The following NCAM2 variants were observed in gnomAD, a reference collection of about 807,000 sequenced individuals.
NCAM2 encodes neural cell adhesion molecule 2, also known as N-CAM-2.
In NCAM2, 30 loss-of-function variants were observed where a neutral mutation model predicts 98.1. The ratio of observed to expected loss-of-function variants is 0.31; its 90% CI spans 0.23 to 0.41. The LOEUF (loss-of-function observed/expected upper bound fraction) is 0.41, where lower values mean the gene tolerates loss of function less well. Among genes scored for constraint, NCAM2 ranks in the 10% least tolerant of loss-of-function variants. NCAM2 has a pLI of 1.00. For synonymous variants in NCAM2, 368 were observed against 342.4 expected (o/e 1.07, Z -0.83); for missense variants, 867 against 1,005.8 (o/e 0.86, Z 1.87).
At position 21,490,116 on chromosome 21, in the gene NCAM2, A is replaced by G. The variant is rs532847666; in HGVS notation, c.2077+12645A>G. Among the ~76,000 whole-genome samples the G allele has an allele frequency of 2.0e-5, 3 of 152,190 alleles. No homozygotes were observed. In the East Asian group the frequency reaches 5.8e-4, roughly 29 times the overall value. Reference sequence around the variant, plus strand: ...CAAAGATCTCTTGTAATAATTCAACATATTCCCTGGCTATTAACTAATTTC... The same window carrying G: ...CAAAGATCTCTTGTAATAATTCAACGTATTCCCTGGCTATTAACTAATTTC... On this transcript the variant is annotated intron_variant, in intron 15 of 17. Transcript: ENST00000400546.
intron 1 of NCAM2, among the ~76,000 whole-genome samples, chr21:21,063,397 T>A (rs2065365328): frequency 6.6e-6 from 1 of 151,744 alleles, no homozygotes; most frequent in Non-Finnish European, 1.5e-5. Flanking sequence ...ATTTTTGTAT[T>A]TTTAGTAGAG....
chr21:21,418,731 G>A (rs1602281754), intron 11 of NCAM2, among the ~76,000 whole-genome samples, 162 bp downstream of exon 11: 1 of 152,056 alleles, frequency 6.6e-6, no homozygotes, highest in South Asian at 2.1e-4. Flanking sequence ...GTAGTATATT[G>A]GGAAGGAGGG....
chr21:21,334,495 A>AT (rs1004047633), intron 6 of NCAM2, among the ~76,000 whole-genome samples: 19 of 152,090 alleles, frequency 1.2e-4, no homozygotes, highest in Admixed American at 2.6e-4. Flanking sequence ...ATTTATAGAG[A>AT]TTTTTTTAAA....
chr21:21,197,689 T>C (rs1466049821), intron 1 of NCAM2, among the ~76,000 whole-genome samples: 2 of 152,190 alleles, frequency 1.3e-5, no homozygotes, highest in Non-Finnish European at 2.9e-5. Flanking sequence ...CGTTTCTGTG[T>C]TTTCTCTTAT....
chr21:21,449,731 A>T (rs1422640842), intron 12 of NCAM2, among the ~76,000 whole-genome samples: 6 of 152,030 alleles, frequency 3.9e-5, no homozygotes, highest in African/African-American at 1.2e-4. Flanking sequence ...CCATTCCATT[A>T]TTCACTCAAT....
chr21:21,349,071 A>C (rs1455569294), intron 8 of NCAM2, among the ~76,000 whole-genome samples: 1 of 152,156 alleles, frequency 6.6e-6, no homozygotes. Flanking sequence ...CAACCAAAGC[A>C]AACGTAGACA....
intron 12 of NCAM2, among the ~76,000 whole-genome samples, chr21:21,452,518 A>G (rs1049239850): frequency 1.1e-4 from 14 of 130,292 alleles, no homozygotes; most frequent in Middle Eastern, 3.7e-3. Context: ...ATAATATATA[A>G]AATATATTAT....
chr21:21,401,460 A>C (rs2076628707), intron 9 of NCAM2, among the ~76,000 whole-genome samples: 1 of 152,082 alleles, frequency 6.6e-6, no homozygotes, highest in South Asian at 2.1e-4. Flanking sequence ...ACATCTTTCT[A>C]TTCCTCTTAC....
At chr21:21,386,766 A>G (rs1421396783) in intron 9 of NCAM2, among the ~76,000 whole-genome samples, 1 of 132,336 alleles carries the variant, frequency 7.6e-6, no homozygotes, top group Non-Finnish European at 1.6e-5. Context: ...TAATGGTAAG[A>G]AAATTTTTAA....
At chr21:21,039,151 A>C (rs943821215) in intron 1 of NCAM2, among the ~76,000 whole-genome samples, 1 of 152,096 alleles carries the variant, frequency 6.6e-6, no homozygotes, top group African/African-American at 2.4e-5. Context: ...TCTTCTAACT[A>C]TATGTTTGCA....
intron 15 of NCAM2, among the ~76,000 whole-genome samples, chr21:21,495,493 TTCCCTCCAATGAC>T (rs1284824133): frequency 1.3e-5 from 2 of 152,042 alleles, no homozygotes; most frequent in Non-Finnish European, 2.9e-5. Context: ...ACGATTCTGC[TTCCCTCCAATGAC>T]TCCCTACCAT....
In NCAM2 at chr21:21,314,797, A is replaced by G. The variant is rs564935345; in HGVS notation, c.620-9586A>G. ...TTGTTGTTAACATAAGTAGAATGCTAATATTTATTTGGGGTTTTAAAAATA... is the reference window on the plus strand; with the variant it reads ...TTGTTGTTAACATAAGTAGAATGCTGATATTTATTTGGGGTTTTAAAAATA... On this transcript the variant is annotated intron_variant, in intron 5 of 17. Transcript: ENST00000400546. 5.9e-5 allele frequency among the ~76,000 whole-genome samples: 9 copies of G among 152,142 alleles called. No individual in the cohort carries two copies. The South Asian group carries it at 1.7e-3, about 28-fold the overall frequency.
At chr21:21,319,049 G>A (rs917423058) in intron 5 of NCAM2, among the ~76,000 whole-genome samples, 20 of 152,072 alleles carry the variant, frequency 1.3e-4, no homozygotes, top group African/African-American at 4.6e-4. Context: ...AAGAGTTGGA[G>A]ACTGCAGTGA....
chr21:21,385,834 G>C (rs1039101051), intron 9 of NCAM2: 4 of 166,216 alleles, frequency 2.4e-5, no homozygotes, highest in African/African-American at 9.6e-5. Flanking sequence ...CTATTAATTA[G>C]ACTTAATTAT....
chr21:21,149,999 C>T (rs546835593), intron 1 of NCAM2, among the ~76,000 whole-genome samples: 1 of 152,224 alleles, frequency 6.6e-6, no homozygotes, highest in East Asian at 1.9e-4. Flanking sequence ...ACACTATTTT[C>T]CACAACGGTT....
At chr21:21,135,625 C>T (rs2826679) in intron 1 of NCAM2, among the ~76,000 whole-genome samples, 63,070 of 151,806 alleles carry the variant, frequency 0.42, 13,625 homozygotes, top group African/African-American at 0.54. Flanking sequence ...ATCTTCTAAC[C>T]ATGACAGTCC....
rs74894262 is a variant in NCAM2, at chr21:21,033,307, A to G, written c.55+34689A>G. 7.2e-3 allele frequency among the ~76,000 whole-genome samples: 1,096 copies of G among 152,312 alleles called. 13 individuals are homozygous for G. Among genetic ancestry groups the G allele is most frequent in the African/African-American group, 0.025 (1,040 of 41,568 alleles). The stretch of plus-strand genomic sequence containing the variant: ...GCCATATTGTTTTCAGGCACATGGG[A>G]TAAGTTGGCATGGGAAAGTTTAAAT... On this transcript the variant is annotated intron_variant, in intron 1 of 17. Transcript: ENST00000400546.
At chr21:21,013,876 A>T (rs1038827522) in intron 1 of NCAM2, among the ~76,000 whole-genome samples, 1 of 152,214 alleles carries the variant, frequency 6.6e-6, no homozygotes, top group Non-Finnish European at 1.5e-5. Flanking sequence ...GAAGCAGCAG[A>T]TGCTGATGGA....
chr21:21,074,620 G>C (rs1384842141), intron 1 of NCAM2, among the ~76,000 whole-genome samples: 1 of 152,172 alleles, frequency 6.6e-6, no homozygotes, highest in Non-Finnish European at 1.5e-5. Context: ...CATTATGGGA[G>C]TCGGGTTTGG....
Sources: allele counts gnomAD v4.1 joint callset (sites outside exome capture counted in the v4.1 genomes callset), GRCh38; gene constraint gnomAD v4.1.1; transcripts MANE v1.5; gene names NCBI Gene and HGNC (gene_info 2026-07-23, HGNC 2026-07-21).